The following PSME4 variants were observed in gnomAD, a reference collection of about 807,000 sequenced individuals.
PSME4 encodes proteasome activator complex subunit 4.
PSME4 carries 89 observed loss-of-function variants against 253.9 expected under a neutral mutation model. The observed-to-expected ratio is 0.35, with a 90% CI of 0.30 to 0.42. The LOEUF (loss-of-function observed/expected upper bound fraction) is 0.42, where lower values mean the gene tolerates loss of function less well. Among genes scored for constraint, PSME4 ranks in the 10% least tolerant of loss-of-function variants. The probability of loss-of-function intolerance (pLI) is 1.00; values close to 1 mark genes in which losing one functional copy is unlikely to be tolerated. For synonymous variants in PSME4, 851 were observed against 759.2 expected (o/e 1.12, Z -1.99); for missense variants, 2,014 against 2,195.2 (o/e 0.92, Z 1.65).
At position 53,948,482 on chromosome 2, in the gene PSME4, C is replaced by G; in HGVS notation, c.439G>C (p.Asp147His). The stretch of plus-strand genomic sequence containing the variant: ...GAATATAATATTCTTTCTACCATGT[C>G]ATAAAGTGGTCTCCAGGGTAACTCC... The part of the protein sequence containing the change: ...DLELPWRPLY[D>H]MVERILYSKT... Residue 147 changes from aspartate to histidine, a missense_variant, in exon 3 of 47, where the codon GAC (aspartate) becomes CAC (histidine). Asp to His is a moderately conservative substitution (Grantham distance 81). Transcript: ENST00000404125. 6.2e-7 allele frequency: 1 copy of G among 1,613,820 alleles called. No homozygotes were observed. The highest frequency in any genetic ancestry group is 8.5e-7 in the Non-Finnish European group (1 of 1,179,820).
chr2:53,864,698 TC>T lies in PSME4; in HGVS notation c.*879del, dbSNP rs1678486117. ...AATTAAATATTAAGCCTTATTAGTC[TC>T]TCAACGATTCTGCAGGCAAAATAAA... On this transcript the variant is annotated 3_prime_UTR_variant, in exon 47 of 47. Coordinates refer to ENST00000404125, the MANE Select transcript of PSME4 (RefSeq NM_014614.3). The T allele has an allele frequency of 6.6e-6, 1 of 152,502 alleles. No individual in the cohort carries two copies. Among genetic ancestry groups the T allele is most frequent in the African/African-American group, 2.4e-5 (1 of 41,392 alleles). The allele number at this position is 152,502 out of a possible 1,614,324, so 9.4% of individuals were successfully genotyped here. A position where few individuals can be genotyped will look rare whatever the true frequency, so the allele number is the denominator to read the frequency against.
intron 21 of PSME4, among the ~76,000 whole-genome samples, chr2:53,909,278 G>A (rs1355569587): frequency 1.3e-5 from 2 of 151,894 alleles, no homozygotes; most frequent in Non-Finnish European, 2.9e-5. Flanking sequence ...ATGTAACTTT[G>A]GTGTTAATCC....
intron 1 of PSME4, among the ~76,000 whole-genome samples, chr2:53,969,646 C>T (rs1670938136): frequency 6.9e-6 from 1 of 144,442 alleles, no homozygotes; most frequent in Non-Finnish European, 1.5e-5. Flanking sequence ...GCCCATCCAG[C>T]AAGTAAATGT....
intron 8 of PSME4, 88 bp from the exon 9 acceptor site, chr2:53,932,848 T>C: frequency 1.1e-6 from 1 of 946,868 alleles, no homozygotes. Context: ...CGTAAATCAC[T>C]AATACAGTTT....
rs147144856 is a variant in PSME4 at position 53,895,160 on chromosome 2, T to C, written c.3843-84A>G. The C allele has an allele frequency of 1.5e-5, 18 of 1,177,844 alleles. No homozygotes were observed. In the East Asian group the frequency reaches 4.0e-4, roughly 26 times the overall value. The allele number at this position is 1,177,844 out of a possible 1,614,324, so 73.0% of individuals were successfully genotyped here. Reference sequence around the variant, plus strand: ...GATAGAAAGCATTAGAAGGCACTTTTAATGAACTCTAACTAGATGCTAAGT... The same window carrying C: ...GATAGAAAGCATTAGAAGGCACTTTCAATGAACTCTAACTAGATGCTAAGT... On this transcript the variant is annotated intron_variant, in intron 33 of 46. Coordinates refer to ENST00000404125, the MANE Select transcript of PSME4 (RefSeq NM_014614.3).
At chr2:53,885,856 T>C (rs1262485086) in intron 40 of PSME4, 81 bp from the exon 41 acceptor site, 6 of 951,898 alleles carry the variant, frequency 6.3e-6, no homozygotes, top group Non-Finnish European at 9.8e-6. Flanking sequence ...GTAATGTTAT[T>C]GTCATACAGC....
In PSME4 at chr2:53,897,887, C is replaced by T. The variant is rs781527515; in HGVS notation, c.3589G>A (p.Ala1197Thr). The change falls in exon 31 of 47, where the codon GCA (alanine) becomes ACA (threonine). Residue 1197 changes from alanine to threonine, a missense_variant. Physicochemically the swap from Ala to Thr is moderately conservative, Grantham distance 58 (BLOSUM62 0). Transcript: ENST00000404125. The stretch of plus-strand genomic sequence containing the variant: ...GTATGTACCTTTCGAACTACAATTG[C>T]ATCATGGTTGAGATTCTCAACAAAA... ...RFFVENLNHD[A>T]IVVRKMAISA... 1.2e-6 allele frequency: 2 copies of T among 1,613,616 alleles called. No individual in the cohort carries two copies. Among genetic ancestry groups the T allele is most frequent in the African/African-American group, 2.7e-5 (2 of 74,886 alleles).
At chr2:53,871,607 A>C (rs1278475942) in intron 43 of PSME4, among the ~76,000 whole-genome samples, 1 of 152,162 alleles carries the variant, frequency 6.6e-6, no homozygotes. Context: ...AGATCTGTGC[A>C]TGTTTTGATG....
At chr2:53,895,129 T>C in intron 33 of PSME4, 53 bp from the exon 34 acceptor site, 1 of 1,494,674 alleles carries the variant, frequency 6.7e-7, no homozygotes, top group South Asian at 1.2e-5. Flanking sequence ...ATATTAGAGC[T>C]TCATGGATAG....
Position 53,932,525 on chromosome 2 carries a change from A to C in PSME4, c.1050+143T>G, listed in dbSNP as rs890023449. The C allele has an allele frequency of 8.8e-6, 6 of 685,120 alleles. No individual in the cohort carries two copies. The East Asian group carries it at 1.6e-4, about 19-fold the overall frequency. 42.4% of individuals were successfully genotyped at this position (685,120 alleles called of 1,614,324 possible). ...AATTTATATGCTCTCCCACACAGTA[A>C]TTTAATTTAAATGTAAGCATTTACA... On this transcript the variant is annotated intron_variant, in intron 9 of 46. Transcript: ENST00000404125.
chr2:53,920,450 TAC>T, intron 18 of PSME4, 100 bp from the exon 19 acceptor site: 1 of 1,214,322 alleles, frequency 8.2e-7, no homozygotes, highest in Non-Finnish European at 1.1e-6. Context: ...AAAGAAAATG[TAC>T]ACATAATCCA....
intron 41 of PSME4, among the ~76,000 whole-genome samples, chr2:53,876,188 C>G (rs1679110583): frequency 6.6e-6 from 1 of 152,122 alleles, no homozygotes; most frequent in African/African-American, 2.4e-5. Flanking sequence ...TTTTTGAAAT[C>G]AGGTTTAAGG....
rs1667696326 is a variant in PSME4, at chr2:53,908,966, C to T, written c.2573-126G>A. On this transcript the variant is annotated intron_variant, in intron 21 of 46. Transcript: ENST00000404125. ...GAGAAAAAAATAGGTCTGCCTTTAC[C>T]ATAGTTGAATTAATGGCTAGGCATG... 4.7e-6 allele frequency: 3 copies of T among 639,552 alleles called. 1 individual carries two copies. The South Asian group carries it at 8.1e-5, about 17-fold the overall frequency. 39.6% of individuals were successfully genotyped at this position (639,552 alleles called of 1,614,324 possible). A position where few individuals can be genotyped will look rare whatever the true frequency, so the allele number is the denominator to read the frequency against.
chr2:53,928,409 TAC>T, intron 10 of PSME4, 106 bp from the exon 11 acceptor site: 1 of 866,336 alleles, frequency 1.2e-6, no homozygotes, highest in Admixed American at 2.9e-5. Context: ...CTTAAAGGCT[TAC>T]AGTTAGCAAA....
intron 1 of PSME4, among the ~76,000 whole-genome samples, chr2:53,969,306 C>T (rs975036375): frequency 6.6e-6 from 1 of 152,120 alleles, no homozygotes; most frequent in African/African-American, 2.4e-5. Flanking sequence ...CTGAAGAGGG[C>T]AAATTACATG....
At chr2:53,969,134 CTATT>C (rs1670896943) in intron 1 of PSME4, among the ~76,000 whole-genome samples, 1 of 152,176 alleles carries the variant, frequency 6.6e-6, no homozygotes. Context: ...TGGATTTTAA[CTATT>C]TATAAAATAT....
At chr2:53,939,861 T>C (rs1228788911) in intron 4 of PSME4, 95 bp downstream of exon 4, 6 of 1,109,872 alleles carry the variant, frequency 5.4e-6, no homozygotes, top group Admixed American at 2.1e-5. Context: ...TGTCAGGAAC[T>C]ATTTATACTT....
At position 53,877,903 on chromosome 2, in the gene PSME4, G is replaced by T. The variant is rs751161974; in HGVS notation, c.4816-2148C>A. Among the ~76,000 whole-genome samples, 35 of 152,106 alleles carry T rather than the reference G, an allele frequency of 2.3e-4. 1 individual carries two copies. The highest frequency in any genetic ancestry group is 3.3e-4 in the Admixed American group (5 of 15,256). On this transcript the variant is annotated intron_variant, in intron 41 of 46. Coordinates refer to ENST00000404125, the MANE Select transcript of PSME4 (RefSeq NM_014614.3). Reference sequence around the variant, plus strand: ...AGTTAATATAATCCTTGGTATTTTAGAATAAAAATTATTTCTTTTTGCAAA... The same window carrying T: ...AGTTAATATAATCCTTGGTATTTTATAATAAAAATTATTTCTTTTTGCAAA...
intron 20 of PSME4, among the ~76,000 whole-genome samples, chr2:53,911,758 T>C (rs957525626): frequency 6.6e-6 from 1 of 152,228 alleles, no homozygotes; most frequent in Non-Finnish European, 1.5e-5. Context: ...CAAGCATGAA[T>C]TTTAATTACT....
Sources: gnomAD v4.1 joint callset for allele counts (sites outside exome capture counted in the v4.1 genomes callset) on GRCh38, gnomAD v4.1.1 for gene constraint, MANE v1.5 for transcripts, NCBI Gene and HGNC (gene_info 2026-07-23, HGNC 2026-07-21) for gene names.